The following CRYZL1 variants were observed in gnomAD, a reference collection of about 807,000 sequenced individuals.
CRYZL1 encodes the protein ferry endosomal RAB5 effector complex subunit 4.
Under a neutral mutation model 50.6 loss-of-function variants are expected in CRYZL1, and 34 were observed. That is an observed-to-expected ratio of 0.67 (90% confidence interval 0.51 to 0.89). The LOEUF is 0.89. Among genes scored for constraint, CRYZL1 ranks in the 40% least tolerant of loss-of-function variants. The pLI is 0.00. For missense variants in CRYZL1, 354 were observed against 402.3 expected (o/e 0.88, Z 1.03); for synonymous variants, 125 against 134.3 (o/e 0.93, Z 0.48).
intron 1 of CRYZL1, among the ~76,000 whole-genome samples, chr21:33,634,015 G>T (rs1252299584): frequency 6.6e-6 from 1 of 152,180 alleles, no homozygotes; most frequent in Non-Finnish European, 1.5e-5. Flanking sequence ...TTTCTCGGAC[G>T]TGATAATCAA....
chr21:33,636,073 T>C, intron 1 of CRYZL1, among the ~76,000 whole-genome samples: 1 of 152,282 alleles, frequency 6.6e-6, no homozygotes, highest in South Asian at 2.1e-4. Flanking sequence ...AGTTCTACTA[T>C]AAATTTTACT....
chr21:33,615,756 G>A (rs928517442), intron 5 of CRYZL1, among the ~76,000 whole-genome samples: 1 of 152,138 alleles, frequency 6.6e-6, no homozygotes, highest in Admixed American at 6.6e-5. Context: ...ACGGTGCATG[G>A]AGCTTCTATA....
In CRYZL1 at chr21:33,589,813, A is replaced by G. The variant is rs764459990; in HGVS notation, c.*9T>C. 6.4e-7 allele frequency: 1 copy of G among 1,555,786 alleles called. No individual in the cohort carries two copies. The highest frequency in any genetic ancestry group is 8.9e-7 in the Non-Finnish European group (1 of 1,127,834). On this transcript the variant is annotated 3_prime_UTR_variant, in exon 13 of 13. Coordinates refer to ENST00000381554, the MANE Select transcript of CRYZL1 (RefSeq NM_145858.3). ...TGTTCATCCGACTGAGGTCTGAGAA[A>G]GAAGAAAATTAAAATTGAACAACTT...
In CRYZL1 at chr21:33,620,873, C is replaced by T. The variant is rs868652327; in HGVS notation, c.217+1123G>A. Among the ~76,000 whole-genome samples, 552 of 143,724 alleles carry T rather than the reference C, an allele frequency of 3.8e-3. 4 individuals carry two copies. Among genetic ancestry groups the T allele is most frequent in the African/African-American group, 0.014 (529 of 38,614 alleles). The allele number at this position is 143,724 out of a possible 152,430, so 94.3% of individuals were successfully genotyped here. On this transcript the variant is annotated intron_variant, in intron 4 of 12. Transcript: ENST00000381554. ...AGCTAGACAAAGCCAGGCATAATGT[C>T]GTGTACCCGTAGACCAGGGGTGTCC...
chr21:33,609,382 C>T (rs1465079253), intron 6 of CRYZL1, among the ~76,000 whole-genome samples: 1 of 152,116 alleles, frequency 6.6e-6, no homozygotes, highest in African/African-American at 2.4e-5. Context: ...TAACAGTAGC[C>T]TCAACCTCCT....
chr21:33,638,788 A>G (rs1270513677), intron 1 of CRYZL1, among the ~76,000 whole-genome samples: 2 of 152,238 alleles, frequency 1.3e-5, no homozygotes, highest in African/African-American at 4.8e-5. Flanking sequence ...TTTAGGCATT[A>G]TAACTTAAAA....
rs112851861 is a variant in CRYZL1, at chr21:33,595,485, G to A, written c.904+246C>T. On this transcript the variant is annotated intron_variant, in intron 11 of 12. Coordinates refer to ENST00000381554, the MANE Select transcript of CRYZL1 (RefSeq NM_145858.3). ...TGATTCTTGCTCCGCCACTTGCTGC[G>A]TCCTTGAGTCTGTATCAACATCTCT... The A allele has an allele frequency of 3.5e-5, 46 of 1,321,532 alleles. No homozygotes were observed. The African/African-American group carries it at 3.5e-4, about 10-fold the overall frequency. 81.9% of individuals were successfully genotyped at this position (1,321,532 alleles called of 1,614,324 possible). A position where few individuals can be genotyped will look rare whatever the true frequency, so the allele number is the denominator to read the frequency against.
intron 9 of CRYZL1, among the ~76,000 whole-genome samples, chr21:33,597,983 TA>T (rs1185129017): frequency 2.6e-5 from 4 of 152,334 alleles, no homozygotes; most frequent in Admixed American, 1.3e-4. Flanking sequence ...TGTATTCTGA[TA>T]CCTTAAAATC....
chr21:33,630,153 T>C (rs2087120604), intron 2 of CRYZL1, among the ~76,000 whole-genome samples: 1 of 152,186 alleles, frequency 6.6e-6, no homozygotes, highest in African/African-American at 2.4e-5. Context: ...CCCATTAGAA[T>C]GGCTATTATC....
intron 11 of CRYZL1, among the ~76,000 whole-genome samples, chr21:33,593,723 C>T (rs1198206055): frequency 6.6e-6 from 1 of 152,084 alleles, no homozygotes; most frequent in African/African-American, 2.4e-5. Context: ...TGGCCCATGC[C>T]TGTAATCCCA....
chr21:33,591,392 G>A (rs966449722), intron 11 of CRYZL1, 185 bp from the exon 12 acceptor site: 3 of 604,070 alleles, frequency 5.0e-6, no homozygotes, highest in Non-Finnish European at 5.9e-6. Context: ...GAAATGATTT[G>A]AGAGTTGGTG....
In CRYZL1 at chr21:33,589,864, A is replaced by T; in HGVS notation, c.1008T>A (p.Val336=). ...LYEAKVSMEA[V]QKNQGRKKQV... The stretch of plus-strand genomic sequence containing the variant: ...GCTTTTTTCTTCCTTGATTTTTCTG[A>T]ACAGCTTCCATGGAAACTTTTGCCT... Residue 336 remains valine, a synonymous_variant, in exon 13 of 13, where the codon GTT becomes GTA. Coordinates refer to ENST00000381554, the MANE Select transcript of CRYZL1 (RefSeq NM_145858.3). 1.2e-6 allele frequency: 2 copies of T among 1,613,272 alleles called. No homozygotes were observed. The highest frequency in any genetic ancestry group is 1.3e-5 in the African/African-American group (1 of 75,022).
intron 1 of CRYZL1, among the ~76,000 whole-genome samples, chr21:33,639,223 A>G (rs1241780145): frequency 2.0e-5 from 3 of 152,178 alleles, no homozygotes; most frequent in Non-Finnish European, 4.4e-5. Flanking sequence ...GGTTTCTTAC[A>G]TGACCAATTC....
At chr21:33,639,487 A>G (rs1478961166) in intron 1 of CRYZL1, among the ~76,000 whole-genome samples, 5 of 152,190 alleles carry the variant, frequency 3.3e-5, no homozygotes, top group African/African-American at 4.8e-5. Context: ...TGACTCTGGG[A>G]CAATGCAGGT....
chr21:33,591,976 G>T lies in CRYZL1; in HGVS notation c.905-769C>A, dbSNP rs375731833. On this transcript the variant is annotated intron_variant, in intron 11 of 12. Coordinates refer to ENST00000381554, the MANE Select transcript of CRYZL1 (RefSeq NM_145858.3). ...GTCTCAAAAGAAAAAAAAAAAGAAA[G>T]AAAAAAAAAATGGCCTAGTATTTGC... Among the ~76,000 whole-genome samples, 48 of 142,978 alleles carry T rather than the reference G, an allele frequency of 3.4e-4. 1 individual carries two copies. In the South Asian group the frequency reaches 0.01, roughly 31 times the overall value. The allele number at this position is 142,978 out of a possible 152,430, so 93.8% of individuals were successfully genotyped here.
At chr21:33,621,334 T>C (rs2145947663) in intron 4 of CRYZL1, among the ~76,000 whole-genome samples, 1 of 152,088 alleles carries the variant, frequency 6.6e-6, no homozygotes, top group East Asian at 1.9e-4. Context: ...ATGTAATTTT[T>C]TTTCAAATTA....
chr21:33,603,306 T>C (rs570411363), intron 7 of CRYZL1, 98 bp downstream of exon 7: 3 of 1,433,232 alleles, frequency 2.1e-6, no homozygotes, highest in East Asian at 2.3e-5. Flanking sequence ...CAATAAGCTA[T>C]TGGCAAAGAA....
intron 1 of CRYZL1, chr21:33,633,695 G>A (rs1006345976): frequency 6.6e-6 from 1 of 152,266 alleles, no homozygotes; most frequent in African/African-American, 2.4e-5. Flanking sequence ...TTACAGGCAT[G>A]AGCCACCGCA....
At chr21:33,623,241 G>A (rs2087022883) in intron 3 of CRYZL1, among the ~76,000 whole-genome samples, 1 of 152,122 alleles carries the variant, frequency 6.6e-6, no homozygotes, top group Non-Finnish European at 1.5e-5. Flanking sequence ...TGGGATTACA[G>A]GTGTGAGCCA....
Sources: allele counts gnomAD v4.1 joint callset (sites outside exome capture counted in the v4.1 genomes callset), GRCh38; gene constraint gnomAD v4.1.1; transcripts MANE v1.5; gene names NCBI Gene and HGNC (gene_info 2026-07-23, HGNC 2026-07-21).